The following TBXAS1 variants were observed in gnomAD, a reference collection of about 807,000 sequenced individuals.
TBXAS1 encodes thromboxane A synthase 1.
A neutral mutation model predicts 60.7 loss-of-function variants in TBXAS1; 48 were observed. The ratio of observed to expected loss-of-function variants is 0.79; its 90% CI spans 0.63 to 1.01. The LOEUF (loss-of-function observed/expected upper bound fraction) is 1.01, where lower values mean the gene tolerates loss of function less well. Ranked by LOEUF, TBXAS1 falls within the 50% of genes least tolerant of loss-of-function variation. TBXAS1 has a pLI of 0.00. For synonymous variants in TBXAS1, 287 were observed against 269.7 expected (o/e 1.06, Z -0.63); for missense variants, 685 against 686.3 (o/e 1.00, Z 0.02).
chr7:139,843,072 A>G (rs1038412839), intron 1 of TBXAS1, among the ~76,000 whole-genome samples: 10 of 152,130 alleles, frequency 6.6e-5, no homozygotes, highest in African/African-American at 2.4e-4. Context: ...AAGGTGCCCT[A>G]AAGTCCTCGC....
At chr7:139,917,723 G>A (rs937599148) in intron 4 of TBXAS1, among the ~76,000 whole-genome samples, 9 of 152,208 alleles carry the variant, frequency 5.9e-5, no homozygotes, top group Non-Finnish European at 8.8e-5. Flanking sequence ...ATGCTCAAAT[G>A]TACTTCTCTC....
chr7:139,921,627 C>T (rs1421387820), intron 4 of TBXAS1, among the ~76,000 whole-genome samples: 2 of 152,144 alleles, frequency 1.3e-5, no homozygotes, highest in Admixed American at 1.3e-4. Context: ...GCCTTGAGCC[C>T]AGGAATTTGA....
chr7:139,977,733 C>G (rs897783697), intron 9 of TBXAS1, among the ~76,000 whole-genome samples: 1 of 152,156 alleles, frequency 6.6e-6, no homozygotes, highest in Non-Finnish European at 1.5e-5. Flanking sequence ...ATTCCCCAGC[C>G]TGGCTGCAAA....
intron 9 of TBXAS1, among the ~76,000 whole-genome samples, chr7:139,966,204 C>T (rs1475831744): frequency 6.6e-6 from 1 of 152,146 alleles, no homozygotes; most frequent in African/African-American, 2.4e-5. Context: ...AATGAGATTG[C>T]TTAATTTGAG....
upstream of TBXAS1, among the ~76,000 whole-genome samples, chr7:139,825,402 C>A (rs570401477): frequency 1.3e-5 from 2 of 152,300 alleles, no homozygotes; most frequent in African/African-American, 4.8e-5. Flanking sequence ...CTCTGCGCAG[C>A]CACAGAATGG....
chr7:139,917,149 C>T (rs1361403292), intron 4 of TBXAS1, among the ~76,000 whole-genome samples: 3 of 152,284 alleles, frequency 2.0e-5, no homozygotes, highest in East Asian at 1.9e-4. Flanking sequence ...ACTCACATTA[C>T]GGGTCTACAG....
chr7:139,805,883 C>G (rs1293379895), intron 4 of TBXAS1, among the ~76,000 whole-genome samples: 11 of 149,998 alleles, frequency 7.3e-5, no homozygotes, highest in South Asian at 6.4e-4. Flanking sequence ...CTTCAGCCTC[C>G]CGAGTAGCTG....
At chr7:139,967,687 T>C (rs1451891629) in intron 9 of TBXAS1, among the ~76,000 whole-genome samples, 1 of 152,140 alleles carries the variant, frequency 6.6e-6, no homozygotes, top group Non-Finnish European at 1.5e-5. Flanking sequence ...AGGTGAGGCC[T>C]TACCCAAACC....
intron 1 of TBXAS1, among the ~76,000 whole-genome samples, chr7:139,779,115 T>C (rs1379560038): frequency 6.6e-6 from 1 of 152,234 alleles, no homozygotes; most frequent in African/African-American, 2.4e-5. Flanking sequence ...ATGTCAATTT[T>C]ATTTCCGTCT....
intron 8 of TBXAS1, among the ~76,000 whole-genome samples, chr7:139,960,618 T>C (rs28462): frequency 0.87 from 132,233 of 151,920 alleles, 57,652 homozygotes; most frequent in Non-Finnish European, 0.89. Context: ...TGGTGGCACA[T>C]GCCTATAGTC....
chr7:139,820,151 G>T (rs1192794208), intron 4 of TBXAS1, among the ~76,000 whole-genome samples: 2 of 152,092 alleles, frequency 1.3e-5, no homozygotes, highest in Admixed American at 6.6e-5. Context: ...CAACTTGCCT[G>T]AAAGCTCTAA....
At chr7:139,967,631 T>C (rs958735107) in intron 9 of TBXAS1, among the ~76,000 whole-genome samples, 3 of 152,212 alleles carry the variant, frequency 2.0e-5, no homozygotes, top group African/African-American at 7.2e-5. Context: ...GATCCCCTGA[T>C]TGGCTTAGAC....
chr7:139,838,064 C>T (rs1208998339), intron 1 of TBXAS1, among the ~76,000 whole-genome samples: 1 of 152,200 alleles, frequency 6.6e-6, no homozygotes, highest in Non-Finnish European at 1.5e-5. Context: ...TCAGCGGGCC[C>T]CCTGTCGCTC....
chr7:139,878,115 G>GAGAGAGAGAGAGAGAGAA (rs1802389741), intron 3 of TBXAS1, among the ~76,000 whole-genome samples: 1 of 151,346 alleles, frequency 6.6e-6, no homozygotes, highest in Non-Finnish European at 1.5e-5. Context: ...GTGTGAGAGA[G>GAGAGAGAGAGAGAGAGAA]AGAGAGAGAG....
chr7:139,929,624 A>G (rs1478967241), intron 4 of TBXAS1, among the ~76,000 whole-genome samples: 2 of 152,244 alleles, frequency 1.3e-5, no homozygotes, highest in Non-Finnish European at 2.9e-5. Context: ...CATATCTAAC[A>G]GCTATAAATG....
intron 4 of TBXAS1, among the ~76,000 whole-genome samples, chr7:139,921,401 C>T (rs146058089): frequency 6.6e-6 from 1 of 152,272 alleles, no homozygotes; most frequent in African/African-American, 2.4e-5. Context: ...ATCCATACCA[C>T]GTATTTAGAT....
At chr7:139,901,437 C>T (rs1417611347) in intron 3 of TBXAS1, among the ~76,000 whole-genome samples, 5 of 150,782 alleles carry the variant, frequency 3.3e-5, no homozygotes, top group Admixed American at 6.6e-5. Context: ...CTAGATTATG[C>T]GTAAGATTAT....
chr7:139,955,884 C>T (rs1005051446), intron 7 of TBXAS1, among the ~76,000 whole-genome samples: 3 of 152,200 alleles, frequency 2.0e-5, no homozygotes, highest in African/African-American at 7.2e-5. Flanking sequence ...ACGGGGTGTG[C>T]GTTGCCTCAC....
chr7:140,017,857 A>C (rs754907978), intron 12 of TBXAS1, 24 bp downstream of exon 12: 2 of 1,607,752 alleles, frequency 1.2e-6, no homozygotes, highest in South Asian at 2.2e-5. Context: ...GCTCAGAGGC[A>C]GGGGCAGGGG....
Sources: allele counts gnomAD v4.1 joint callset (sites outside exome capture counted in the v4.1 genomes callset), GRCh38; gene constraint gnomAD v4.1.1; transcripts MANE v1.5; gene names NCBI Gene and HGNC (gene_info 2026-07-23, HGNC 2026-07-21).